ERBIN: variants seen among roughly 807,000 people sequenced by gnomAD.
The protein encoded by ERBIN is densin-180-like protein.
Under a neutral mutation model 158.4 loss-of-function variants are expected in ERBIN, and 60 were observed. The observed-to-expected ratio is 0.38, with a 90% CI of 0.31 to 0.47. ERBIN has a LOEUF of 0.47. Among genes scored for constraint, ERBIN ranks in the 20% least tolerant of loss-of-function variants. ERBIN has a pLI of 0.99. For missense variants in ERBIN, 1,610 were observed against 1,648.0 expected (o/e 0.98, Z 0.40); for synonymous variants, 594 against 557.2 (o/e 1.07, Z -0.93).
intron 1 of ERBIN, among the ~76,000 whole-genome samples, chr5:65,950,603 T>G (rs1746380748): frequency 6.6e-6 from 1 of 152,236 alleles, no homozygotes; most frequent in Admixed American, 6.5e-5. Context: ...ATTTTTACTT[T>G]TCCATCATGG....
chr5:65,932,964 A>AT (rs1056036542), intron 1 of ERBIN, among the ~76,000 whole-genome samples: 9 of 150,206 alleles, frequency 6.0e-5, no homozygotes, highest in South Asian at 2.1e-4. Context: ...CTAATGTTTT[A>AT]TTTTTTTTTG....
chr5:66,038,421 AG>A lies in ERBIN; in HGVS notation c.1246del (p.Glu416ArgfsTer65). On this transcript the variant is annotated frameshift_variant, in exon 15 of 26. Transcript: ENST00000284037. LOFTEE classifies it high-confidence loss of function. ...TACCTCTTCAAAAAGAAACTGATTC[AG>A]AGACCCAGAAAATGGTGCTTACCAA... ...LIPLQKETDS[E>X]TQKMVLTNYM... 1 of 1,612,318 alleles carries A rather than the reference AG, an allele frequency of 6.2e-7. No individual in the cohort carries two copies. Among genetic ancestry groups the A allele is most frequent in the Non-Finnish European group, 8.5e-7 (1 of 1,178,846 alleles).
intron 7 of ERBIN, among the ~76,000 whole-genome samples, chr5:66,016,603 T>C (rs937590272): frequency 5.4e-5 from 8 of 146,826 alleles, no homozygotes; most frequent in African/African-American, 1.0e-4. Context: ...TCTACTCTTA[T>C]CTTCATGAGA....
intron 1 of ERBIN, among the ~76,000 whole-genome samples, chr5:65,939,668 TG>T (rs1561268561): frequency 7.0e-5 from 1 of 14,296 alleles, no homozygotes; most frequent in Non-Finnish European, 7.6e-4. Flanking sequence ...TGCCTCAGCC[TG>T]CCGAGTGCCT....
At chr5:66,024,262 AC>A (rs1756003060) in intron 9 of ERBIN, 43 bp from the exon 10 acceptor site, 1 of 1,281,338 alleles carries the variant, frequency 7.8e-7, no homozygotes, top group Non-Finnish European at 1.1e-6. Flanking sequence ...TTTACAAATT[AC>A]TAATGTTAAT....
chr5:65,950,829 G>C (rs1329723362), intron 1 of ERBIN, among the ~76,000 whole-genome samples: 1 of 152,022 alleles, frequency 6.6e-6, no homozygotes, highest in African/African-American at 2.4e-5. Context: ...TCTTTTAAGG[G>C]GTATGTCATT....
chr5:66,062,157 T>C (rs1580509926), intron 21 of ERBIN, among the ~76,000 whole-genome samples: 1 of 152,214 alleles, frequency 6.6e-6, no homozygotes. Context: ...GGTTCCATTC[T>C]CCCCGTCACT....
At chr5:65,985,044 C>T in intron 1 of ERBIN, among the ~76,000 whole-genome samples, 1 of 152,176 alleles carries the variant, frequency 6.6e-6, no homozygotes, top group East Asian at 1.9e-4. Flanking sequence ...TAAGATTGAC[C>T]ATGCATTGAT....
intron 6 of ERBIN, 53 bp from the exon 7 acceptor site, chr5:66,014,616 T>G (rs1486333064): frequency 1.2e-6 from 1 of 849,152 alleles, no homozygotes; most frequent in African/African-American, 1.8e-5. Flanking sequence ...GAAATTAATT[T>G]ATTAAATTCA....
intron 5 of ERBIN, 145 bp from the exon 6 acceptor site, chr5:66,013,404 T>C (rs1357549488): frequency 3.1e-6 from 2 of 651,180 alleles, no homozygotes; most frequent in East Asian, 5.4e-5. Context: ...GGCAAATCTT[T>C]GAAGGGGCTC....
intron 1 of ERBIN, among the ~76,000 whole-genome samples, chr5:65,987,093 T>C (rs1483706150): frequency 6.6e-6 from 1 of 152,204 alleles, no homozygotes; most frequent in Non-Finnish European, 1.5e-5. Flanking sequence ...CAAATGTTTT[T>C]CCAGAATTAA....
intron 22 of ERBIN, 102 bp downstream of exon 22, chr5:66,072,393 A>G: frequency 8.4e-7 from 1 of 1,187,992 alleles, no homozygotes; most frequent in Non-Finnish European, 1.1e-6. Context: ...TACTTTTTTG[A>G]GGGCTTTCCC....
chr5:66,078,775 T>A lies in ERBIN; in HGVS notation c.*245T>A, dbSNP rs1580568841. On this transcript the variant is annotated 3_prime_UTR_variant, in exon 26 of 26. Coordinates refer to ENST00000284037, the MANE Select transcript of ERBIN (RefSeq NM_001253697.2). ...GGTTTTTAAACATAGCAATCAAGGC[T>A]ACAAAAACAAACCTGTGTTGTTTTT... 1 of 431,962 alleles carries A rather than the reference T, an allele frequency of 2.3e-6. No homozygotes were observed. The highest frequency in any genetic ancestry group is 2.1e-5 in the African/African-American group (1 of 47,466). 26.8% of individuals were successfully genotyped at this position (431,962 alleles called of 1,614,324 possible).
chr5:66,068,443 T>C (rs138353917), intron 21 of ERBIN, among the ~76,000 whole-genome samples: 2 of 152,346 alleles, frequency 1.3e-5, no homozygotes, highest in Admixed American at 1.3e-4. Context: ...GTAGATTCTC[T>C]AAAAATTCAT....
At chr5:65,945,876 G>A (rs1745679604) in intron 1 of ERBIN, among the ~76,000 whole-genome samples, 1 of 151,990 alleles carries the variant, frequency 6.6e-6, no homozygotes, top group South Asian at 2.1e-4. Flanking sequence ...TTACCCCAGT[G>A]GTAATATGTT....
intron 1 of ERBIN, among the ~76,000 whole-genome samples, chr5:65,927,576 A>G (rs1378219822): frequency 1.3e-5 from 2 of 152,222 alleles, no homozygotes; most frequent in Non-Finnish European, 2.9e-5. Flanking sequence ...AAGACGTTTA[A>G]TAGGACTTCT....
chr5:65,953,834 T>C (rs1193669952), intron 1 of ERBIN, among the ~76,000 whole-genome samples: 1 of 152,204 alleles, frequency 6.6e-6, no homozygotes, highest in East Asian at 1.9e-4. Context: ...TCATATTGCA[T>C]ATAAGCTAGG....
At chr5:66,049,205 T>C (rs1758775171) in intron 19 of ERBIN, among the ~76,000 whole-genome samples, 2 of 152,078 alleles carry the variant, frequency 1.3e-5, no homozygotes, top group African/African-American at 4.8e-5. Flanking sequence ...TTATTGATTG[T>C]ATCACAAAAC....
At chr5:66,023,406 T>C in intron 9 of ERBIN, 42 bp downstream of exon 9, 2 of 1,342,490 alleles carry the variant, frequency 1.5e-6, no homozygotes, top group South Asian at 1.3e-5. Flanking sequence ...TATTTCTGGC[T>C]CTCCTTTGCA....
Sources: gnomAD v4.1 joint callset for allele counts (sites outside exome capture counted in the v4.1 genomes callset) on GRCh38, gnomAD v4.1.1 for gene constraint, MANE v1.5 for transcripts, NCBI Gene and HGNC (gene_info 2026-07-23, HGNC 2026-07-21) for gene names.